Variants in ITGA11 observed in about 807,000 individuals in gnomAD.
The protein encoded by ITGA11 is integrin alpha-11.
In ITGA11, 97 loss-of-function variants were observed where a neutral mutation model predicts 141.9. The observed-to-expected ratio is 0.68, with a 90% CI of 0.58 to 0.81. ITGA11 has a LOEUF of 0.81. Among genes scored for constraint, ITGA11 ranks in the 30% least tolerant of loss-of-function variants. ITGA11 has a pLI of 0.00. For missense variants in ITGA11, 1,387 were observed against 1,559.2 expected (o/e 0.89, Z 1.86); for synonymous variants, 658 against 624.6 (o/e 1.05, Z -0.80).
intron 2 of ITGA11, among the ~76,000 whole-genome samples, chr15:68,376,228 C>CTCT (rs1895724335): frequency 6.8e-6 from 1 of 147,898 alleles, no homozygotes; most frequent in African/African-American, 2.5e-5. Flanking sequence ...GTTCTCCTCT[C>CTCT]TTTTTTTTTT....
chr15:68,325,092 G>A lies in ITGA11; in HGVS notation c.2322+39C>T. ...GGGGTTGAGGTGGAGGTGGGGGTGG[G>A]GTTCATGCCCGAGGTGCGTGCCCTG... On this transcript the variant is annotated intron_variant, in intron 18 of 29. Coordinates refer to ENST00000315757, the MANE Select transcript of ITGA11 (RefSeq NM_001004439.2). This position sits in a 1 kb window ranked among gnomAD's most constrained non-coding sequence, Gnocchi z 5.5. The A allele has an allele frequency of 1.4e-6, 2 of 1,453,174 alleles. No individual in the cohort carries two copies. Among genetic ancestry groups the A allele is most frequent in the Admixed American group, 3.3e-5 (2 of 59,780 alleles). 90.0% of individuals were successfully genotyped at this position (1,453,174 alleles called of 1,614,324 possible).
rs1893614353 is a variant in ITGA11 at position 68,317,280 on chromosome 15, G to A, written c.2700C>T (p.Phe900=). 1 of 1,613,382 alleles carries A rather than the reference G, an allele frequency of 6.2e-7. No homozygotes were observed. Among genetic ancestry groups the A allele is most frequent in the South Asian group, 1.1e-5 (1 of 91,076 alleles). The change falls in exon 21 of 30, where the codon TTC becomes TTT. Residue 900 remains phenylalanine (F), a synonymous_variant. Coordinates refer to ENST00000315757, the MANE Select transcript of ITGA11 (RefSeq NM_001004439.2). ...KQVCNVSYPF[F]RAKAKVAFRL... ...CAGTCTCAACCTTGGCCTTGGCCCG[G>A]AAGAAGGGATAGCTGACGTTGCAGA...
chr15:68,383,699 C>T (rs1441477905), intron 2 of ITGA11, among the ~76,000 whole-genome samples: 1 of 152,188 alleles, frequency 6.6e-6, no homozygotes, highest in Non-Finnish European at 1.5e-5. Flanking sequence ...AAATTCAAAC[C>T]TATGAAGTTA....
chr15:68,349,050 T>C, intron 9 of ITGA11, 150 bp from the exon 10 acceptor site: 2 of 699,040 alleles, frequency 2.9e-6, no homozygotes, highest in Non-Finnish European at 5.0e-6. Flanking sequence ...CTGAGGCCAG[T>C]AGTGTGCCAG....
chr15:68,417,967 C>T (rs2140432781), intron 1 of ITGA11, among the ~76,000 whole-genome samples: 1 of 152,330 alleles, frequency 6.6e-6, no homozygotes, highest in Non-Finnish European at 1.5e-5. Flanking sequence ...TGTCTCCTCT[C>T]CCACTGGAGT....
chr15:68,307,548 CCTT>C lies in ITGA11; in HGVS notation c.3285+35_3285+37del. 6.5e-7 allele frequency: 1 copy of C among 1,550,294 alleles called. No individual in the cohort carries two copies. Among genetic ancestry groups the C allele is most frequent in the Non-Finnish European group, 8.8e-7 (1 of 1,131,238 alleles). On this transcript the variant is annotated intron_variant, in intron 27 of 29. Transcript: ENST00000315757. This position sits in a 1 kb window ranked among gnomAD's most constrained non-coding sequence, Gnocchi z 6.1. The stretch of plus-strand genomic sequence containing the variant: ...GACATCCCAACAGCCGCCCCCTTTC[CCTT>C]CTTCCTTCCAGCCCAGCCCAGGGGC...
intron 2 of ITGA11, among the ~76,000 whole-genome samples, chr15:68,383,808 G>T (rs1895918276): frequency 6.6e-6 from 1 of 152,186 alleles, no homozygotes; most frequent in Non-Finnish European, 1.5e-5. Context: ...GACTTAGGAA[G>T]GATGTTGGCA....
intron 5 of ITGA11, 90 bp from the exon 6 acceptor site, chr15:68,358,675 T>G (rs1290316875): frequency 7.3e-7 from 1 of 1,378,060 alleles, no homozygotes; most frequent in African/African-American, 1.4e-5. Context: ...GACAAATGAA[T>G]GACTCTGCTC....
At position 68,357,263 on chromosome 15, in the gene ITGA11, C is replaced by CA; in HGVS notation, c.636dup (p.Glu213Ter). ...GACCTGTAGTCGTTGAGGTGAAACT[C>CA]ATGCACCACATCTTCGCCATACTGC... On this transcript the variant is annotated frameshift_variant, in exon 7 of 30. Transcript: ENST00000315757. LOFTEE classifies it high-confidence loss of function. 6.2e-7 allele frequency: 1 copy of CA among 1,613,844 alleles called. No individual in the cohort carries two copies. The highest frequency in any genetic ancestry group is 8.5e-7 in the Non-Finnish European group (1 of 1,179,846).
At chr15:68,412,798 T>C (rs1595897031) in intron 1 of ITGA11, among the ~76,000 whole-genome samples, 1 of 150,326 alleles carries the variant, frequency 6.7e-6, no homozygotes, top group East Asian at 2.0e-4. Flanking sequence ...GCCTCAGTCT[T>C]CCAAGTAGCT....
intron 3 of ITGA11, chr15:68,365,199 C>A: frequency 1.0e-6 from 1 of 985,402 alleles, no homozygotes; most frequent in Non-Finnish European, 1.2e-6. Context: ...CCAAGTTGAC[C>A]CCCATCCACA....
At chr15:68,397,620 ATAT>A (rs1382239840) in intron 2 of ITGA11, among the ~76,000 whole-genome samples, 11 of 111,308 alleles carry the variant, frequency 9.9e-5, no homozygotes, top group Non-Finnish European at 1.5e-4. Context: ...TATATTTAAA[ATAT>A]TATATTTAAT....
At chr15:68,390,516 C>T (rs774824727) in intron 2 of ITGA11, among the ~76,000 whole-genome samples, 1 of 152,110 alleles carries the variant, frequency 6.6e-6, no homozygotes, top group Admixed American at 6.5e-5. Flanking sequence ...CTGCTAGAGT[C>T]CCCTGGGAAA....
At chr15:68,316,017 G>A (rs1023885009) in intron 21 of ITGA11, among the ~76,000 whole-genome samples, 1 of 152,244 alleles carries the variant, frequency 6.6e-6, no homozygotes, top group Non-Finnish European at 1.5e-5. Flanking sequence ...TTAGCAAAAG[G>A]CAACCAGAAA....
At chr15:68,430,012 C>G (rs2140448442) in intron 1 of ITGA11, among the ~76,000 whole-genome samples, 1 of 152,216 alleles carries the variant, frequency 6.6e-6, no homozygotes, top group Non-Finnish European at 1.5e-5. Context: ...TTGGCTTATT[C>G]TCAGTTACAG....
intron 10 of ITGA11, among the ~76,000 whole-genome samples, chr15:68,341,656 C>A (rs138965701): frequency 6.6e-6 from 1 of 152,212 alleles, no homozygotes; most frequent in African/African-American, 2.4e-5. Flanking sequence ...TGACTTTCTT[C>A]CTTGCTTTCC....
rs1895517030 is a variant in ITGA11 at position 68,369,280 on chromosome 15, C to G, written c.169G>C (p.Val57Leu). Residue 57 changes from valine (V) to leucine (L), a missense_variant, in exon 3 of 30, where the codon GTC becomes CTC. Physicochemically the swap from Val to Leu is conservative, Grantham distance 32 (BLOSUM62 1). Coordinates refer to ENST00000315757, the MANE Select transcript of ITGA11 (RefSeq NM_001004439.2). ...QHDISGNKWL[V>L]VGAPLETNGY... is the part of the protein sequence containing the mutation. ...TTGGTTTCCAGTGGGGCGCCCACGA[C>G]CAGCCTGGGAAGGAAGAGAAGATGA... 1 of 1,613,296 alleles carries G rather than the reference C, an allele frequency of 6.2e-7. No individual in the cohort carries two copies. Among genetic ancestry groups the G allele is most frequent in the Non-Finnish European group, 8.5e-7 (1 of 1,179,412 alleles).
At position 68,302,054 on chromosome 15, in the gene ITGA11, CAGTG is replaced by C. The variant is rs1893045420; in HGVS notation, c.*1001_*1004del. On this transcript the variant is annotated 3_prime_UTR_variant, in exon 30 of 30. Transcript: ENST00000315757. ...GCGGGCATGAGGGAAGGATGGGAGG[CAGTG>C]TGTGTGTGTGTGTGTGTGTGTGTGT... 1 of 51,230 alleles carries C rather than the reference CAGTG, an allele frequency of 2.0e-5. No individual in the cohort carries two copies. The highest frequency in any genetic ancestry group is 3.9e-5 in the Non-Finnish European group (1 of 25,970). 3.2% of individuals were successfully genotyped at this position (51,230 alleles called of 1,614,324 possible).
At chr15:68,388,771 G>A (rs1025497711) in intron 2 of ITGA11, among the ~76,000 whole-genome samples, 1 of 151,886 alleles carries the variant, frequency 6.6e-6, no homozygotes, top group South Asian at 2.1e-4. Flanking sequence ...CTCCTCCCTC[G>A]ATTCCATCCT....
Sources: allele counts gnomAD v4.1 joint callset (sites outside exome capture counted in the v4.1 genomes callset), GRCh38; gene constraint gnomAD v4.1.1; non-coding constraint Gnocchi (gnomAD v3.1); transcripts MANE v1.5; gene names NCBI Gene and HGNC (gene_info 2026-07-23, HGNC 2026-07-21).